ZNFX1: variants seen among roughly 807,000 people sequenced by gnomAD.
The protein encoded by ZNFX1 is NFX1-type zinc finger-containing protein 1.
A neutral mutation model predicts 179.8 loss-of-function variants in ZNFX1; 78 were observed. The observed-to-expected ratio is 0.43, with a 90% CI of 0.36 to 0.52. The LOEUF is 0.52. Ranked by LOEUF, ZNFX1 falls within the 20% of genes least tolerant of loss-of-function variation. The pLI is 0.00. For synonymous variants in ZNFX1, 848 were observed against 868.5 expected (o/e 0.98, Z 0.42); for missense variants, 1,927 against 2,386.6 (o/e 0.81, Z 4.01).
At chr20:49,250,914 T>A (rs1175513701) in intron 13 of ZNFX1, among the ~76,000 whole-genome samples, 19 of 152,194 alleles carry the variant, frequency 1.2e-4, no homozygotes. Context: ...TTTCACCATG[T>A]TGGCCAGGAT....
At chr20:49,255,011 C>T (rs1167344220) in intron 9 of ZNFX1, among the ~76,000 whole-genome samples, 6 of 150,798 alleles carry the variant, frequency 4.0e-5, no homozygotes, top group Admixed American at 2.7e-4. Flanking sequence ...TGTCACTAAT[C>T]GCTGTAAAAC....
chr20:49,254,373 A>C, intron 10 of ZNFX1, 122 bp downstream of exon 10: 9 of 1,303,016 alleles, frequency 6.9e-6, no homozygotes, highest in Non-Finnish European at 9.5e-6. Flanking sequence ...GGGTGCTTTC[A>C]GTAGCTTTTC....
chr20:49,254,664 G>GAACCAAGGA lies in ZNFX1; in HGVS notation c.2805-24_2805-16dup. 1 of 1,610,484 alleles carries GAACCAAGGA rather than the reference G, an allele frequency of 6.2e-7. No individual in the cohort carries two copies. Among genetic ancestry groups the GAACCAAGGA allele is most frequent in the Non-Finnish European group, 8.5e-7 (1 of 1,177,756 alleles). ...GTAGCCAGAGCCTGGAGAATGGGAA[G>GAACCAAGGA]AACCAAGGAAAGAAAGCCACATGCT... On this transcript the variant is annotated splice_polypyrimidine_tract_variant and intron_variant, in intron 9 of 13. Transcript: ENST00000396105.
chr20:49,275,084 C>T (rs1408756760), intron 2 of ZNFX1, among the ~76,000 whole-genome samples: 1 of 151,494 alleles, frequency 6.6e-6, no homozygotes, highest in Non-Finnish European at 1.5e-5. Flanking sequence ...GATCGCGCCA[C>T]TGCACTCCAG....
intron 7 of ZNFX1, 26 bp from the exon 8 acceptor site, chr20:49,257,690 G>A (rs775577982): frequency 4.4e-5 from 69 of 1,570,872 alleles, no homozygotes; most frequent in Middle Eastern, 1.7e-4. Flanking sequence ...AGGCAGGAGA[G>A]AGATGAAAAC....
chr20:49,253,533 GAGGTGAAGACA>G (rs1350315720), intron 11 of ZNFX1, 122 bp downstream of exon 11: 42 of 1,058,656 alleles, frequency 4.0e-5, no homozygotes, highest in Non-Finnish European at 5.6e-5. Context: ...CTGAACGTGG[GAGGTGAAGACA>G]AGAGGAATCA....
rs370928278 is a variant in ZNFX1, at chr20:49,270,450, T to C, written c.1362A>G (p.Val454=). ...NSKRLLYGSL[V]CMSKDNFETF... is the part of the protein sequence containing the mutation. ...TCTCGAAGTTGTCCTTGGACATGCATACCAAAGACCCATAGAGCAATCGTT... is the reference window on the plus strand; with the variant it reads ...TCTCGAAGTTGTCCTTGGACATGCACACCAAAGACCCATAGAGCAATCGTT... The change falls in exon 3 of 14, where the codon GTA becomes GTG. Residue 454 remains valine (V), a synonymous_variant. Coordinates refer to ENST00000396105, the MANE Select transcript of ZNFX1 (RefSeq NM_021035.3). This position sits in a 1 kb window ranked among gnomAD's most constrained non-coding sequence, Gnocchi z 4.6. 6.2e-7 allele frequency: 1 copy of C among 1,614,224 alleles called. No homozygotes were observed. The highest frequency in any genetic ancestry group is 8.5e-7 in the Non-Finnish European group (1 of 1,180,034).
At chr20:49,260,109 G>T (rs1024078846) in intron 7 of ZNFX1, among the ~76,000 whole-genome samples, 1 of 151,796 alleles carries the variant, frequency 6.6e-6, no homozygotes, top group African/African-American at 2.4e-5. Flanking sequence ...ATTTTGTGAT[G>T]TGCCTGTTAA....
At chr20:49,263,242 A>G in intron 6 of ZNFX1, 92 bp downstream of exon 6, 2 of 1,451,864 alleles carry the variant, frequency 1.4e-6, no homozygotes, top group Non-Finnish European at 1.9e-6. Context: ...AGATTATCAA[A>G]CAGGTAAAGT....
At chr20:49,266,693 G>GT (rs1339903349) in intron 3 of ZNFX1, among the ~76,000 whole-genome samples, 1 of 111,898 alleles carries the variant, frequency 8.9e-6, no homozygotes, top group African/African-American at 3.6e-5. Context: ...TTTTACAGCT[G>GT]TTAAGGTATT....
rs1980781987 is a variant in ZNFX1 at position 49,249,484 on chromosome 20, C to A, written c.3540G>T (p.Arg1180Ser). Residue 1180 changes from arginine (R) to serine (S), a missense_variant, in exon 14 of 14, where the codon AGG becomes AGT. Transcript: ENST00000396105. ...CTTGGTATTTGTCCACAACATGGACCCTGACGCCAGCAAATGTCTTGGCAG... is the reference window on the plus strand; with the variant it reads ...CTTGGTATTTGTCCACAACATGGACACTGACGCCAGCAAATGTCTTGGCAG... ...LMPAKTFAGV[R>S]VHVVDKYQGE... 6.2e-7 allele frequency: 1 copy of A among 1,614,154 alleles called. No individual in the cohort carries two copies. Among genetic ancestry groups the A allele is most frequent in the African/African-American group, 1.3e-5 (1 of 75,024 alleles).
rs1487339487 is a variant in ZNFX1, at chr20:49,270,405, T to C, written c.1407A>G (p.Val469=). Residue 469 remains valine (V), a synonymous_variant, in exon 3 of 14, where the codon GTA becomes GTG. Coordinates refer to ENST00000396105, the MANE Select transcript of ZNFX1 (RefSeq NM_021035.3). This position sits in a 1 kb window ranked among gnomAD's most constrained non-coding sequence, Gnocchi z 4.6. The part of the protein sequence containing the change: ...DNFETFLFAT[V]SNREQEDLCR... Reference sequence around the variant, plus strand: ...AGAGATCTTCCTGCTCCCTGTTAGATACGGTGGCAAAAAGAAATGTCTCGA... The same window carrying C: ...AGAGATCTTCCTGCTCCCTGTTAGACACGGTGGCAAAAAGAAATGTCTCGA... The C allele has an allele frequency of 1.2e-6, 2 of 1,614,228 alleles. No homozygotes were observed. The highest frequency in any genetic ancestry group is 2.2e-5 in the South Asian group (2 of 91,090).
rs1425346554 is a variant in ZNFX1, at chr20:49,260,594, G to A, written c.2302-17C>T. On this transcript the variant is annotated splice_polypyrimidine_tract_variant and intron_variant, in intron 6 of 13. Transcript: ENST00000396105. ...TTCACTATCCTAAGGAAAGAAGAAT[G>A]ATCATTTGTGAGGATTCTATGACAA... The A allele has an allele frequency of 6.5e-7, 1 of 1,545,312 alleles. No individual in the cohort carries two copies. Among genetic ancestry groups the A allele is most frequent in the Non-Finnish European group, 8.8e-7 (1 of 1,130,054 alleles).
chr20:49,275,818 G>C lies in ZNFX1; in HGVS notation c.22C>G (p.Leu8Val). ...TGGGAATTCCTGGGCCTGGCATCCA[G>C]ATGAGGTCTTCTCTCCTCCATGTCT... The part of the protein sequence containing the change: MEERRPH[L>V]DARPRNSHTN... The change falls in exon 2 of 14, where the codon CTG (leucine) becomes GTG (valine). Residue 8 changes from leucine to valine, a missense_variant. By Grantham distance (32) the Leu-to-Val change is conservative (BLOSUM62 1). Coordinates refer to ENST00000396105, the MANE Select transcript of ZNFX1 (RefSeq NM_021035.3). The C allele has an allele frequency of 2.5e-6, 4 of 1,614,204 alleles. No individual in the cohort carries two copies. The highest frequency in any genetic ancestry group is 3.4e-6 in the Non-Finnish European group (4 of 1,180,026).
chr20:49,267,966 T>C (rs962882361), intron 3 of ZNFX1, among the ~76,000 whole-genome samples: 1 of 151,456 alleles, frequency 6.6e-6, no homozygotes, highest in East Asian at 2.0e-4. Flanking sequence ...CTCCGCCTCC[T>C]GGGTTCACGC....
In ZNFX1 at chr20:49,263,435, T is replaced by C. The variant is rs1981163212; in HGVS notation, c.2200A>G (p.Lys734Glu). Reference protein sequence around the residue: ...ESEQELHEGAKTLECTMRGVL... With the variant: ...ESEQELHEGAETLECTMRGVL... ...CCACGCATGGTGCACTCCAGGGTCTTGGCTCCTTCATGAAGCTCTTGCTCT... is the reference window on the plus strand; with the variant it reads ...CCACGCATGGTGCACTCCAGGGTCTCGGCTCCTTCATGAAGCTCTTGCTCT... Residue 734 changes from lysine (K) to glutamate (E), a missense_variant, in exon 6 of 14, where the codon AAG becomes GAG. Lys to Glu is a moderately conservative substitution (Grantham distance 56). Transcript: ENST00000396105. 6.2e-7 allele frequency: 1 copy of C among 1,609,086 alleles called. No individual in the cohort carries two copies.
chr20:49,255,896 G>A lies in ZNFX1; in HGVS notation c.2716C>T (p.Arg906Cys), dbSNP rs553344985. Residue 906 changes from arginine to cysteine, a missense_variant, in exon 9 of 14, where the codon CGC becomes TGC. By Grantham distance (180) the Arg-to-Cys change is radical. Transcript: ENST00000396105. ...KMKKRVKDEL[R>C]KLNTMTAAEA... is the part of the protein sequence containing the mutation. ...GCTGCAGTCATGGTGTTCAGTTTGC[G>A]AAGCTCATCCTTCACTCTTTTTTTC... is the stretch of plus-strand genomic sequence containing the variant. 129 of 1,614,136 alleles carry A rather than the reference G, an allele frequency of 8.0e-5. 2 individuals are homozygous for A. The South Asian group carries it at 9.1e-4, about 11-fold the overall frequency.
chr20:49,270,334 A>G lies in ZNFX1; in HGVS notation c.1478T>C (p.Leu493Pro). ...QLCFNEQSQQ[L>P]LAEVQPSDSF... ...GTCAGAGGGCTGGACCTCTGCTAGC[A>G]GCTGTTGGCTTTGCTCATTGAAGCA... Residue 493 changes from leucine (L) to proline (P), a missense_variant, in exon 3 of 14, where the codon CTG (leucine) becomes CCG (proline). Leu to Pro is a moderately conservative substitution (Grantham distance 98, BLOSUM62 -3). Coordinates refer to ENST00000396105, the MANE Select transcript of ZNFX1 (RefSeq NM_021035.3). This position sits in a 1 kb window ranked among gnomAD's most constrained non-coding sequence, Gnocchi z 4.6. 1 of 1,614,140 alleles carries G rather than the reference A, an allele frequency of 6.2e-7. No homozygotes were observed. Among genetic ancestry groups the G allele is most frequent in the Non-Finnish European group, 8.5e-7 (1 of 1,180,000 alleles).
Position 49,253,774 on chromosome 20 carries a change from C to G in ZNFX1, c.2997G>C (p.Glu999Asp), listed in dbSNP as rs763034482. The G allele has an allele frequency of 1.2e-6, 2 of 1,614,176 alleles. No individual in the cohort carries two copies. The highest frequency in any genetic ancestry group is 2.2e-5 in the South Asian group (2 of 91,082). ...CTTCTTCCACTATGACAATCCTCGGCTCCACCTTCTGTAGGATCTGGCGGT... is the reference window on the plus strand; with the variant it reads ...CTTCTTCCACTATGACAATCCTCGGGTCCACCTTCTGTAGGATCTGGCGGT... ...AKYRQILQKV[E>D]PRIVIVEEAA... Residue 999 changes from glutamate to aspartate, a missense_variant, in exon 11 of 14, where the codon GAG becomes GAC. Coordinates refer to ENST00000396105, the MANE Select transcript of ZNFX1 (RefSeq NM_021035.3).
Sources: allele counts gnomAD v4.1 joint callset (sites outside exome capture counted in the v4.1 genomes callset), GRCh38; gene constraint gnomAD v4.1.1; non-coding constraint Gnocchi (gnomAD v3.1); transcripts MANE v1.5; gene names NCBI Gene and HGNC (gene_info 2026-07-23, HGNC 2026-07-21).